The following MALRD1 variants were observed in gnomAD, a reference collection of about 807,000 sequenced individuals.
The protein encoded by MALRD1 is MAM and LDL receptor class A domain containing 1.
MALRD1 carries 247 observed loss-of-function variants against 242.1 expected under a neutral mutation model. The ratio of observed to expected loss-of-function variants is 1.02; its 90% CI spans 0.92 to 1.13. MALRD1 has a LOEUF of 1.13. Among genes scored for constraint, MALRD1 ranks in the 50% most tolerant of loss-of-function variants. The pLI is 0.00. For synonymous variants in MALRD1, 995 were observed against 866.6 expected (o/e 1.15, Z -2.60); for missense variants, 2,989 against 2,533.1 (o/e 1.18, Z -3.86).
At chr10:19,475,912 T>A (rs1836707333) in intron 29 of MALRD1, among the ~76,000 whole-genome samples, 1 of 152,242 alleles carries the variant, frequency 6.6e-6, no homozygotes, top group Non-Finnish European at 1.5e-5. Flanking sequence ...ACCTCATGTT[T>A]GGGAAAGTTA....
At chr10:19,610,664 T>C (rs937646288) in intron 35 of MALRD1, among the ~76,000 whole-genome samples, 1 of 152,032 alleles carries the variant, frequency 6.6e-6, no homozygotes, top group Non-Finnish European at 1.5e-5. Context: ...CATCAAAAAC[T>C]GCAAGCAGTT....
intron 4 of MALRD1, among the ~76,000 whole-genome samples, chr10:19,099,919 C>T (rs1002638612): frequency 1.3e-5 from 2 of 151,896 alleles, no homozygotes; most frequent in Non-Finnish European, 2.9e-5. Flanking sequence ...TACCACCACA[C>T]CTGGCTAATT....
At chr10:19,216,111 CT>C (rs1837302106) in intron 18 of MALRD1, among the ~76,000 whole-genome samples, 2 of 118,076 alleles carry the variant, frequency 1.7e-5, no homozygotes, top group South Asian at 4.7e-4. Context: ...TTCTTTCTTT[CT>C]TTCTTTCTTT....
chr10:19,450,070 G>T (rs1052027206), intron 28 of MALRD1, among the ~76,000 whole-genome samples: 2 of 152,124 alleles, frequency 1.3e-5, no homozygotes, highest in African/African-American at 4.8e-5. Flanking sequence ...TATTTTTGGA[G>T]CAGTATTACG....
chr10:19,169,821 G>T (rs950756171), intron 13 of MALRD1, among the ~76,000 whole-genome samples: 1 of 152,172 alleles, frequency 6.6e-6, no homozygotes, highest in African/African-American at 2.4e-5. Context: ...AAGATTAGTA[G>T]CCTGAGTCAT....
At chr10:19,182,965 C>T (rs4748560) in intron 14 of MALRD1, among the ~76,000 whole-genome samples, 45,807 of 151,732 alleles carry the variant, frequency 0.3, 7,232 homozygotes, top group Admixed American at 0.37. Flanking sequence ...CTTTTAATTC[C>T]TATAGTGCTT....
chr10:19,718,093 G>A (rs566838363), intron 38 of MALRD1, among the ~76,000 whole-genome samples: 22 of 107,650 alleles, frequency 2.0e-4, no homozygotes, highest in Non-Finnish European at 4.1e-4. Flanking sequence ...AGTAGAAGAA[G>A]AAGAAGAGGA....
intron 14 of MALRD1, among the ~76,000 whole-genome samples, chr10:19,192,739 GTTGT>G (rs145969917): frequency 0.17 from 25,368 of 152,054 alleles, 2,274 homozygotes; most frequent in Non-Finnish European, 0.2. Context: ...TAGGTTTGTG[GTTGT>G]TTGTTACATA....
intron 35 of MALRD1, among the ~76,000 whole-genome samples, chr10:19,609,042 A>G (rs527401029): frequency 1.2e-4 from 19 of 152,228 alleles, no homozygotes; most frequent in African/African-American, 4.3e-4. Flanking sequence ...TATCTTCAGC[A>G]TGGTCCTATA....
chr10:19,249,066 C>A (rs1038174243), intron 18 of MALRD1, among the ~76,000 whole-genome samples: 1 of 147,510 alleles, frequency 6.8e-6, no homozygotes, highest in Non-Finnish European at 1.5e-5. Context: ...TGTCTCTGTG[C>A]ACATATATAT....
At chr10:19,310,757 C>G (rs1245793464) in intron 21 of MALRD1, among the ~76,000 whole-genome samples, 2 of 151,402 alleles carry the variant, frequency 1.3e-5, no homozygotes, top group Non-Finnish European at 3.0e-5. Context: ...CTTCTTTAAA[C>G]GATCTCGTAA....
chr10:19,336,134 T>C (rs1843602646), intron 24 of MALRD1, among the ~76,000 whole-genome samples: 1 of 151,954 alleles, frequency 6.6e-6, no homozygotes, highest in South Asian at 2.1e-4. Flanking sequence ...TATAAAAAAG[T>C]AATTTTAAAA....
intron 17 of MALRD1, among the ~76,000 whole-genome samples, chr10:19,206,393 A>G (rs951718824): frequency 1.3e-5 from 2 of 152,150 alleles, no homozygotes; most frequent in African/African-American, 4.8e-5. Flanking sequence ...TTTGACAATG[A>G]CTATCCTATG....
chr10:19,357,976 AG>A, intron 26 of MALRD1, among the ~76,000 whole-genome samples: 1 of 152,144 alleles, frequency 6.6e-6, no homozygotes, highest in African/African-American at 2.4e-5. Flanking sequence ...ATTATTATTA[AG>A]TCCCTAGGAG....
rs910007232 is a variant in MALRD1 at position 19,155,141 on chromosome 10, C to G, written c.1625C>G (p.Thr542Arg). ...GVAKLGSPVL[T>R]KLLTASTPCQ... ...GCCAAGCTTGGAAGTCCTGTTCTTACAAAATTGCTCACTGCCTCTACCCCA... is the reference window on the plus strand; with the variant it reads ...GCCAAGCTTGGAAGTCCTGTTCTTAGAAAATTGCTCACTGCCTCTACCCCA... The change falls in exon 12 of 40, where the codon ACA (threonine) becomes AGA (arginine). Residue 542 changes from threonine to arginine, a missense_variant. Physicochemically the swap from Thr to Arg is moderately conservative, Grantham distance 71 (BLOSUM62 -1). Coordinates refer to ENST00000454679, the MANE Select transcript of MALRD1 (RefSeq NM_001142308.3). The G allele has an allele frequency of 2.0e-4, 245 of 1,231,434 alleles. 1 individual carries two copies. Among genetic ancestry groups the G allele is most frequent in the Non-Finnish European group, 2.3e-4 (223 of 987,874 alleles). The allele number at this position is 1,231,434 out of a possible 1,614,324, so 76.3% of individuals were successfully genotyped here.
At chr10:19,710,464 A>G (rs562761954) in intron 38 of MALRD1, 1 of 152,188 alleles carries the variant, frequency 6.6e-6, no homozygotes, top group Non-Finnish European at 1.5e-5. Context: ...ATATTATTTG[A>G]CCATACAAAA....
intron 21 of MALRD1, among the ~76,000 whole-genome samples, chr10:19,321,141 C>A (rs1458342543): frequency 2.6e-5 from 4 of 152,052 alleles, no homozygotes; most frequent in African/African-American, 7.2e-5. Context: ...GAAGTCTTTG[C>A]CCATGCTTGT....
chr10:19,563,342 AT>A (rs939126400), intron 32 of MALRD1, among the ~76,000 whole-genome samples: 8 of 152,012 alleles, frequency 5.3e-5, no homozygotes, highest in Non-Finnish European at 8.8e-5. Flanking sequence ...ATTACTTTAG[AT>A]TTTTTTCTTT....
chr10:19,406,611 G>A (rs916181214), intron 28 of MALRD1, among the ~76,000 whole-genome samples: 27 of 152,144 alleles, frequency 1.8e-4, no homozygotes, highest in African/African-American at 6.0e-4. Context: ...TTGTCAGCGG[G>A]TGAGTTATTC....
Sources: allele counts gnomAD v4.1 joint callset (sites outside exome capture counted in the v4.1 genomes callset), GRCh38; gene constraint gnomAD v4.1.1; transcripts MANE v1.5; gene names NCBI Gene and HGNC (gene_info 2026-07-23, HGNC 2026-07-21).